C5orf58: variants seen among roughly 807,000 people sequenced by gnomAD.
The protein encoded by C5orf58 is putative uncharacterized protein C5orf58.
Under a neutral mutation model 2.9 loss-of-function variants are expected in C5orf58, and 2 were observed. The observed-to-expected ratio is 0.69, with a 90% confidence interval of 0.28 to 2.18. The LOEUF (loss-of-function observed/expected upper bound fraction) is 2.18. Among genes scored for constraint, C5orf58 ranks in the 30% most tolerant of loss-of-function variants. The pLI is 0.13. For missense variants in C5orf58, 96 were observed against 91.7 expected (o/e 1.05, Z -0.19); for synonymous variants, 37 against 33.4 (o/e 1.11, Z -0.37).
chr5:170,250,819 A>G (rs1036208961), downstream of C5orf58: 2 of 1,612,894 alleles, frequency 1.2e-6, no homozygotes, highest in East Asian at 4.5e-5. Flanking sequence ...TCTTTGTACA[A>G]CACCATGAGG....
At chr5:170,242,726 C>A (rs991360828) in intron 3 of C5orf58, among the ~76,000 whole-genome samples, 1 of 149,990 alleles carries the variant, frequency 6.7e-6, no homozygotes, top group Non-Finnish European at 1.5e-5. Context: ...TTTCAAAAAA[C>A]CAGCTCCTGG....
intron 1 of C5orf58, 186 bp from the exon 2 acceptor site, chr5:170,233,928 CT>C: frequency 2.7e-6 from 1 of 365,412 alleles, no homozygotes; most frequent in Non-Finnish European, 5.4e-6. Flanking sequence ...TTTTAAAAAA[CT>C]TTTGCCTTGT....
chr5:170,245,966 C>T lies in C5orf58; in HGVS notation c.99C>T (p.Leu33=). 1 of 1,613,070 alleles carries T rather than the reference C, an allele frequency of 6.2e-7. No individual in the cohort carries two copies. The highest frequency in any genetic ancestry group is 8.5e-7 in the Non-Finnish European group (1 of 1,179,518). ...ISSELKKIKE[L]SQLLLCDLIL... Reference sequence around the variant, plus strand: ...CTCCTGTTTTGTTTTGCACAGAGCTCTCCCAGTTATTGCTTTGTGACCTTA... The same window carrying T: ...CTCCTGTTTTGTTTTGCACAGAGCTTTCCCAGTTATTGCTTTGTGACCTTA... The change falls in exon 4 of 4, where the codon CTC becomes CTT. Residue 33 remains leucine (L), a synonymous_variant. Transcript: ENST00000593851.
intron 1 of C5orf58, 100 bp downstream of exon 1, chr5:170,233,107 C>T (rs1393004810): frequency 2.3e-6 from 1 of 438,130 alleles, no homozygotes; most frequent in African/African-American, 2.1e-5. Flanking sequence ...CACCTTCCAC[C>T]ACCCAACGGG....
At chr5:170,248,655 A>G (rs1324077699), downstream of C5orf58, 1 of 1,608,016 alleles carries the variant, frequency 6.2e-7, no homozygotes, top group Non-Finnish European at 8.5e-7. Context: ...TCGTGTTGGC[A>G]ACAGAGGCAG....
At chr5:170,239,289 A>G (rs1760876826) in intron 3 of C5orf58, among the ~76,000 whole-genome samples, 1 of 152,216 alleles carries the variant, frequency 6.6e-6, no homozygotes, top group South Asian at 2.1e-4. Context: ...TAAACATTAG[A>G]TAATTGAGCT....
chr5:170,250,786 G>A (rs1234333977), downstream of C5orf58: 5 of 1,612,418 alleles, frequency 3.1e-6, no homozygotes, highest in African/African-American at 1.3e-5. Context: ...TTCTGATAAC[G>A]GATCTGGATG....
Position 170,235,028 on chromosome 5 carries a change from A to C in C5orf58, c.52A>C (p.Lys18Gln). 6.5e-7 allele frequency: 1 copy of C among 1,547,876 alleles called. No individual in the cohort carries two copies. Among genetic ancestry groups the C allele is most frequent in the Non-Finnish European group, 8.9e-7 (1 of 1,129,664 alleles). Residue 18 changes from lysine (K) to glutamine (Q), a missense_variant, in exon 3 of 4, where the codon AAA (lysine) becomes CAA (glutamine). Lys to Gln is a moderately conservative substitution (Grantham distance 53). Coordinates refer to ENST00000593851, the MANE Select transcript of C5orf58 (RefSeq NM_001102609.3). ...DHKLNVDKVIKNINTISSELK... is the reference protein window; with the variant it reads ...DHKLNVDKVIQNINTISSELK... ...TAAGCTAAATGTGGACAAAGTAATT[A>C]AAAATATTAACACAATTTCTTCGGA...
chr5:170,247,487 CA>C (rs1761325289), downstream of C5orf58: 1 of 152,126 alleles, frequency 6.6e-6, no homozygotes, highest in African/African-American at 2.4e-5. Flanking sequence ...GCAGAGACGC[CA>C]AAAATTGTTG....
downstream of C5orf58, among the ~76,000 whole-genome samples, chr5:170,249,584 G>A (rs900240064): frequency 4.3e-4 from 65 of 151,980 alleles, no homozygotes; most frequent in African/African-American, 1.4e-3. Context: ...GGTCAGACAC[G>A]GTTCATGGTG....
chr5:170,237,189 G>A, intron 3 of C5orf58: 2 of 397,844 alleles, frequency 5.0e-6, no homozygotes, highest in Non-Finnish European at 4.4e-6. Context: ...GACCTGTAGA[G>A]CTACGCTAGG....
intron 3 of C5orf58, among the ~76,000 whole-genome samples, 177 bp from the exon 4 acceptor site, chr5:170,245,785 C>T (rs1044227439): frequency 2.0e-5 from 3 of 152,246 alleles, no homozygotes; most frequent in Admixed American, 2.0e-4. Flanking sequence ...ATTCAGCCAT[C>T]TTGGCTCCTC....
At chr5:170,246,395 T>C (rs1274803624), downstream of C5orf58, 15 of 226,618 alleles carry the variant, frequency 6.6e-5, no homozygotes, top group Middle Eastern at 1.6e-3. Context: ...TATTAATTGA[T>C]GGAATGAGTT....
chr5:170,249,422 A>C (rs1761379724), downstream of C5orf58, among the ~76,000 whole-genome samples: 1 of 151,442 alleles, frequency 6.6e-6, no homozygotes, highest in Admixed American at 6.6e-5. Flanking sequence ...TGAAATGCAT[A>C]TATTTTTAAC....
downstream of C5orf58, chr5:170,248,511 T>A: frequency 1.7e-6 from 1 of 598,026 alleles, no homozygotes; most frequent in Non-Finnish European, 2.9e-6. Flanking sequence ...TGAAGAAGAA[T>A]AAATAAATTA....
chr5:170,249,468 C>A (rs902014806), downstream of C5orf58, among the ~76,000 whole-genome samples: 1 of 151,184 alleles, frequency 6.6e-6, no homozygotes, highest in Non-Finnish European at 1.5e-5. Context: ...GTCACTATTA[C>A]AATATTCTTG....
At chr5:170,243,691 T>C (rs2113121999) in intron 3 of C5orf58, among the ~76,000 whole-genome samples, 2 of 150,098 alleles carry the variant, frequency 1.3e-5, no homozygotes, top group Middle Eastern at 6.8e-3. Flanking sequence ...TGAGATGGGT[T>C]TCCTGAATAC....
At chr5:170,238,689 T>TG (rs1760844672) in intron 3 of C5orf58, among the ~76,000 whole-genome samples, 1 of 152,204 alleles carries the variant, frequency 6.6e-6, no homozygotes, top group African/African-American at 2.4e-5. Context: ...GTAAAGCTTC[T>TG]GAAAACAAAA....
At chr5:170,238,937 C>T (rs978655617) in intron 3 of C5orf58, among the ~76,000 whole-genome samples, 5 of 152,140 alleles carry the variant, frequency 3.3e-5, no homozygotes, top group Admixed American at 2.0e-4. Context: ...ACACAGGAAT[C>T]TGGGGAAAAG....
Sources: allele counts gnomAD v4.1 joint callset (sites outside exome capture counted in the v4.1 genomes callset), GRCh38; gene constraint gnomAD v4.1.1; transcripts MANE v1.5; gene names NCBI Gene and HGNC (gene_info 2026-07-23, HGNC 2026-07-21).